CCL28: variants seen among roughly 807,000 people sequenced by gnomAD.
CCL28 encodes C-C motif chemokine ligand 28, also known as C-C motif chemokine 28.
A neutral mutation model predicts 7.1 loss-of-function variants in CCL28; 4 were observed. The ratio of observed to expected loss-of-function variants is 0.56; its 90% confidence interval spans 0.28 to 1.29. CCL28 has a LOEUF of 1.29. Among genes scored for constraint, CCL28 ranks in the 50% most tolerant of loss-of-function variants. CCL28 has a pLI of 0.11. For missense variants in CCL28, 151 were observed against 163.4 expected, an observed-to-expected ratio of 0.92 and a Z score of 0.41; for synonymous variants, 55 against 57.8, an observed-to-expected ratio of 0.95 and a Z score of 0.22.
intron 1 of CCL28, among the ~76,000 whole-genome samples, chr5:43,389,609 A>G (rs1376850441): frequency 6.6e-6 from 1 of 152,252 alleles, no homozygotes; most frequent in Non-Finnish European, 1.5e-5. Flanking sequence ...AATTTGAGTT[A>G]TCTGAGTGCT....
At chr5:43,377,716 A>ATT (rs1561151287), downstream of CCL28, among the ~76,000 whole-genome samples, 8 of 45,658 alleles carry the variant, frequency 1.8e-4, no homozygotes, top group East Asian at 3.2e-4. Context: ...TAGAACTTAA[A>ATT]CTTTTTTTTT....
intron 2 of CCL28, among the ~76,000 whole-genome samples, chr5:43,385,055 C>G (rs531441602): frequency 6.6e-6 from 1 of 152,270 alleles, no homozygotes; most frequent in African/African-American, 2.4e-5. Context: ...TGCCACCATG[C>G]CCGGCTAATT....
At chr5:43,411,094 T>C (rs1213770772) in intron 1 of CCL28, among the ~76,000 whole-genome samples, 1 of 152,216 alleles carries the variant, frequency 6.6e-6, no homozygotes, top group Non-Finnish European at 1.5e-5. Flanking sequence ...GGTGGAATCA[T>C]TGTTGCCACA....
chr5:43,375,458 TAAAAAAAAAAA>T (rs56289620), downstream of CCL28, among the ~76,000 whole-genome samples: 7 of 32,736 alleles, frequency 2.1e-4, no homozygotes, highest in African/African-American at 6.0e-4. Context: ...GACAGAAAGC[TAAAAAAAAAAA>T]AAAAAAAAAA....
intron 1 of CCL28, among the ~76,000 whole-genome samples, chr5:43,401,406 G>T (rs1741032320): frequency 6.6e-6 from 1 of 152,214 alleles, no homozygotes; most frequent in Admixed American, 6.5e-5. Flanking sequence ...AGTCTTGAAG[G>T]GGTTTGGATA....
chr5:43,407,783 T>G (rs1307087943), intron 1 of CCL28, among the ~76,000 whole-genome samples: 1 of 152,006 alleles, frequency 6.6e-6, no homozygotes, highest in African/African-American at 2.4e-5. Flanking sequence ...ACAAAGAACT[T>G]AAACAAATTT....
intron 1 of CCL28, among the ~76,000 whole-genome samples, chr5:43,398,232 C>CT (rs11409906): frequency 1 from 152,299 of 152,300 alleles, 76,149 homozygotes; most frequent in Non-Finnish European, 1. Flanking sequence ...TCTTTTTTTC[C>CT]TTAGATAAGA....
chr5:43,385,829 A>G (rs1465700376), intron 2 of CCL28, among the ~76,000 whole-genome samples: 1 of 152,148 alleles, frequency 6.6e-6, no homozygotes, highest in Non-Finnish European at 1.5e-5. Context: ...TTTAAAATGA[A>G]GACTTATGTT....
chr5:43,396,496 A>T (rs780732680), intron 1 of CCL28, among the ~76,000 whole-genome samples: 9 of 152,174 alleles, frequency 5.9e-5, no homozygotes, highest in Non-Finnish European at 1.2e-4. Context: ...ATTGCATTGC[A>T]GCCTGGGCGA....
intron 1 of CCL28, among the ~76,000 whole-genome samples, chr5:43,396,601 T>TA (rs1332725639): frequency 2.0e-5 from 3 of 152,184 alleles, no homozygotes; most frequent in Non-Finnish European, 4.4e-5. Flanking sequence ...CACAAAATCT[T>TA]ATTCTGGAAA....
At chr5:43,364,306 T>G in the CCL28 span, among the ~76,000 whole-genome samples, 1 of 151,530 alleles carries the variant, frequency 6.6e-6, no homozygotes, top group Non-Finnish European at 1.5e-5. Flanking sequence ...AAACTATATA[T>G]GTGTGTGTGT....
In CCL28 at chr5:43,380,236, T is replaced by C. The variant is rs1740054465; in HGVS notation, c.*1624A>G. Reference sequence around the variant, plus strand: ...AATCACCACACAGAAGGCCGAACTCTGGGCCCCTAACTAGTGCTGCTCCAA... The same window carrying C: ...AATCACCACACAGAAGGCCGAACTCCGGGCCCCTAACTAGTGCTGCTCCAA... On this transcript the variant is annotated 3_prime_UTR_variant, in exon 3 of 3. Transcript: ENST00000361115. The C allele has an allele frequency of 6.6e-6, 1 of 152,176 alleles. No homozygotes were observed. Among genetic ancestry groups the C allele is most frequent in the African/African-American group, 2.4e-5 (1 of 41,448 alleles). 9.4% of individuals were successfully genotyped at this position (152,176 alleles called of 1,614,324 possible).
intron 2 of CCL28, among the ~76,000 whole-genome samples, chr5:43,383,572 TAG>T (rs1442622363): frequency 6.6e-6 from 1 of 151,988 alleles, no homozygotes; most frequent in Non-Finnish European, 1.5e-5. Flanking sequence ...GTGTATTAGA[TAG>T]AGAGTCTTAA....
downstream of CCL28, among the ~76,000 whole-genome samples, chr5:43,374,599 G>A (rs1739847862): frequency 6.6e-6 from 1 of 152,028 alleles, no homozygotes; most frequent in Non-Finnish European, 1.5e-5. Context: ...TGACCAACAT[G>A]GTGAAACCCC....
Position 43,381,964 on chromosome 5 carries a change from C to A in CCL28, c.280G>T (p.Gly94Cys). Residue 94 changes from glycine to cysteine, a missense_variant, in exon 3 of 3, where the codon GGT (glycine) becomes TGT (cysteine). Coordinates refer to ENST00000361115, the MANE Select transcript of CCL28 (RefSeq NM_148672.3). ...WMKVQAAKKN[G>C]KGNVCHRKKH... is the part of the protein sequence containing the mutation. Reference sequence around the variant, plus strand: ...TTCCTGTGGCAAACATTTCCTTTACCATTTTTCTTGGCAGCTTGCACTTTC... The same window carrying A: ...TTCCTGTGGCAAACATTTCCTTTACAATTTTTCTTGGCAGCTTGCACTTTC... 6.2e-7 allele frequency: 1 copy of A among 1,614,140 alleles called. No individual in the cohort carries two copies. The highest frequency in any genetic ancestry group is 8.5e-7 in the Non-Finnish European group (1 of 1,180,008).
intron 1 of CCL28, among the ~76,000 whole-genome samples, chr5:43,411,436 T>A (rs1741532527): frequency 6.6e-6 from 1 of 152,154 alleles, no homozygotes. Flanking sequence ...CGATTTAAAT[T>A]CTCTTTGACA....
intron 1 of CCL28, among the ~76,000 whole-genome samples, chr5:43,404,361 C>A (rs1432957078): frequency 6.6e-6 from 1 of 152,296 alleles, no homozygotes; most frequent in East Asian, 1.9e-4. Flanking sequence ...ATTCAACATT[C>A]TTAAAGAAAA....
At chr5:43,405,668 G>A (rs566767874) in intron 1 of CCL28, among the ~76,000 whole-genome samples, 75 of 152,278 alleles carry the variant, frequency 4.9e-4, no homozygotes, top group African/African-American at 1.2e-3. Flanking sequence ...GGAGGAGATA[G>A]ACAAACAAAA....
chr5:43,388,830 T>C (rs1740444932), intron 1 of CCL28, among the ~76,000 whole-genome samples: 1 of 152,230 alleles, frequency 6.6e-6, no homozygotes, highest in Admixed American at 6.5e-5. Context: ...TCAGCAAACA[T>C]TTATTGATTG....
Sources: allele counts gnomAD v4.1 joint callset (sites outside exome capture counted in the v4.1 genomes callset), GRCh38; gene constraint gnomAD v4.1.1; transcripts MANE v1.5; gene names NCBI Gene and HGNC (gene_info 2026-07-23, HGNC 2026-07-21).